Variants in IFT52 observed in about 807,000 individuals in gnomAD.
IFT52 encodes intraflagellar transport 52.
A neutral mutation model predicts 54.4 loss-of-function variants in IFT52; 44 were observed. That is an observed-to-expected ratio of 0.81 (90% CI 0.63 to 1.04). IFT52 has a LOEUF of 1.04. IFT52 is among the 50% of genes least tolerant of loss of function. The pLI is 0.00. For missense variants in IFT52, 452 were observed against 523.6 expected (o/e 0.86, Z 1.33); for synonymous variants, 181 against 185.3 (o/e 0.98, Z 0.19).
At chr20:43,636,116 CTCCTT>C in intron 11 of IFT52, 103 bp downstream of exon 11, 1 of 1,065,618 alleles carries the variant, frequency 9.4e-7, no homozygotes, top group Non-Finnish European at 1.4e-6. Context: ...ATTTGTGGCA[CTCCTT>C]GTGGAGTCAT....
chr20:43,628,383 G>A (rs1984903374), intron 10 of IFT52, among the ~76,000 whole-genome samples: 1 of 152,178 alleles, frequency 6.6e-6, no homozygotes, highest in Non-Finnish European at 1.5e-5. Context: ...GCTCCACCCA[G>A]TTCAGACTTC....
At chr20:43,638,922 G>A (rs771469433) in intron 12 of IFT52, among the ~76,000 whole-genome samples, 3 of 152,210 alleles carry the variant, frequency 2.0e-5, no homozygotes, top group Non-Finnish European at 4.4e-5. Flanking sequence ...AAACAGTTCA[G>A]TGTAAACGAA....
chr20:43,596,549 T>C, intron 3 of IFT52, 27 bp downstream of exon 3: 1 of 1,419,106 alleles, frequency 7.0e-7, no homozygotes, highest in Non-Finnish European at 9.9e-7. Context: ...AAAGAAGGAA[T>C]ATGGTGAAAT....
chr20:43,625,541 G>C (rs968615039), intron 10 of IFT52, among the ~76,000 whole-genome samples: 1 of 152,032 alleles, frequency 6.6e-6, no homozygotes, highest in Non-Finnish European at 1.5e-5. Context: ...TGGCTTCATT[G>C]AAAAGGTTAG....
rs148128216 is a variant in IFT52 at position 43,604,099 on chromosome 20, C to T, written c.338-84C>T. 7,544 of 1,166,252 alleles carry T rather than the reference C, an allele frequency of 6.5e-3. 42 individuals carry two copies. Among genetic ancestry groups the T allele is most frequent in the Non-Finnish European group, 7.3e-3 (5,711 of 782,118 alleles). 72.2% of individuals were successfully genotyped at this position (1,166,252 alleles called of 1,614,324 possible). A position where few individuals can be genotyped will look rare whatever the true frequency, so the allele number is the denominator to read the frequency against. On this transcript the variant is annotated intron_variant, in intron 4 of 13. Coordinates refer to ENST00000373030, the MANE Select transcript of IFT52 (RefSeq NM_016004.5). Reference sequence around the variant, plus strand: ...GGATTGGAACCAAGTTCCAGGGTGCCCTTCAGGTCAAAATTGGTATGAGTC... The same window carrying T: ...GGATTGGAACCAAGTTCCAGGGTGCTCTTCAGGTCAAAATTGGTATGAGTC...
chr20:43,622,855 T>TTTTTATGTGTAA (rs1350859115), intron 9 of IFT52, among the ~76,000 whole-genome samples: 1 of 151,018 alleles, frequency 6.6e-6, no homozygotes, highest in African/African-American at 2.4e-5. Context: ...TATATACATA[T>TTTTTATGTGTAA]ATTTAACCAC....
intron 6 of IFT52, among the ~76,000 whole-genome samples, chr20:43,608,054 A>G (rs1425638069): frequency 8.8e-5 from 5 of 57,058 alleles, no homozygotes; most frequent in Non-Finnish European, 1.3e-4. Flanking sequence ...AGGCTGAGGC[A>G]GGAAATCAGG....
intron 3 of IFT52, among the ~76,000 whole-genome samples, chr20:43,602,690 G>C (rs763773246): frequency 7.9e-5 from 12 of 151,028 alleles, no homozygotes; most frequent in Admixed American, 2.0e-4. Context: ...TGCATTTTTA[G>C]TAGAGACGGG....
At chr20:43,615,400 G>T (rs1983782379) in intron 7 of IFT52, among the ~76,000 whole-genome samples, 1 of 152,158 alleles carries the variant, frequency 6.6e-6, no homozygotes, top group Admixed American at 6.5e-5. Context: ...CCCTAAGACA[G>T]AATTCACCAG....
intron 12 of IFT52, among the ~76,000 whole-genome samples, chr20:43,640,315 C>T (rs954046281): frequency 6.6e-6 from 1 of 152,022 alleles, no homozygotes; most frequent in African/African-American, 2.4e-5. Context: ...AAAAAATTAG[C>T]CAGGCATGGT....
chr20:43,601,440 A>C (rs1043546852), intron 3 of IFT52, among the ~76,000 whole-genome samples: 14 of 152,198 alleles, frequency 9.2e-5, no homozygotes, highest in African/African-American at 3.4e-4. Flanking sequence ...CTTTTGTTAG[A>C]AGGGTCTCAC....
chr20:43,622,749 AAATATAAATATATACAAATTGTGTG>A (rs1984417651), intron 9 of IFT52, among the ~76,000 whole-genome samples: 1 of 95,110 alleles, frequency 1.1e-5, no homozygotes. Context: ...ATTTTTATGT[AAATATAAATATATACAAATTGTGTG>A]TAAATATAAA....
chr20:43,628,838 G>A (rs1215661049), intron 10 of IFT52, among the ~76,000 whole-genome samples: 2 of 139,370 alleles, frequency 1.4e-5, no homozygotes, highest in Non-Finnish European at 3.1e-5. Context: ...GCGACAGGCA[G>A]AGCGAGACTC....
chr20:43,616,599 T>C (rs990629525), intron 7 of IFT52, among the ~76,000 whole-genome samples: 2 of 151,192 alleles, frequency 1.3e-5, no homozygotes, highest in Non-Finnish European at 2.9e-5. Flanking sequence ...AGAAAAAAAA[T>C]TCCCCCATCG....
intron 12 of IFT52, among the ~76,000 whole-genome samples, chr20:43,638,767 G>A (rs1369040711): frequency 6.6e-6 from 1 of 152,118 alleles, no homozygotes; most frequent in Non-Finnish European, 1.5e-5. Context: ...CAAAGGCTAG[G>A]GAATGACACA....
chr20:43,611,847 T>TG (rs1432842915), intron 6 of IFT52, among the ~76,000 whole-genome samples: 1 of 151,384 alleles, frequency 6.6e-6, no homozygotes, highest in Non-Finnish European at 1.5e-5. Flanking sequence ...CTGACCAACA[T>TG]GGTGAAACCC....
chr20:43,620,777 T>G, intron 8 of IFT52, 80 bp from the exon 9 acceptor site: 1 of 988,372 alleles, frequency 1.0e-6, no homozygotes. Flanking sequence ...TCATTCTTCT[T>G]GATTTAATTC....
intron 9 of IFT52, among the ~76,000 whole-genome samples, chr20:43,622,144 G>A (rs913570753): frequency 2.6e-5 from 4 of 152,136 alleles, no homozygotes; most frequent in African/African-American, 4.8e-5. Flanking sequence ...GAAGACAGTC[G>A]AAGATGGCTG....
At chr20:43,641,702 G>T (rs1160510250) in intron 12 of IFT52, among the ~76,000 whole-genome samples, 9 of 151,560 alleles carry the variant, frequency 5.9e-5, no homozygotes, top group Non-Finnish European at 1.3e-4. Flanking sequence ...CACCATGCTG[G>T]CCAGGCTGGT....
Sources: allele counts gnomAD v4.1 joint callset (sites outside exome capture counted in the v4.1 genomes callset), GRCh38; gene constraint gnomAD v4.1.1; transcripts MANE v1.5; gene names NCBI Gene and HGNC (gene_info 2026-07-23, HGNC 2026-07-21).